The following NRDE2 variants were observed in gnomAD, a reference collection of about 807,000 sequenced individuals.
The protein encoded by NRDE2 is NRDE-2, necessary for RNA interference, domain containing.
A neutral mutation model predicts 124.2 loss-of-function variants in NRDE2; 76 were observed. That is an observed-to-expected ratio of 0.61 (90% confidence interval 0.51 to 0.74). The LOEUF (loss-of-function observed/expected upper bound fraction) is 0.74, where lower values mean the gene tolerates loss of function less well. NRDE2 is among the 30% of genes least tolerant of loss of function. The probability of loss-of-function intolerance (pLI) is 0.00; values close to 1 mark genes in which losing one functional copy is unlikely to be tolerated. For missense variants in NRDE2, 1,314 were observed against 1,417.3 expected (o/e 0.93, Z 1.17); for synonymous variants, 489 against 528.1 (o/e 0.93, Z 1.01).
chr14:90,288,514 C>T lies in NRDE2; in HGVS notation c.2861G>A (p.Trp954Ter). The change falls in exon 11 of 14, where the codon TGG (tryptophan) becomes TAG (stop). Residue 954 changes from tryptophan to a stop codon, truncating the protein, a stop_gained. Coordinates refer to ENST00000354366, the MANE Select transcript of NRDE2 (RefSeq NM_017970.4). LOFTEE classifies it high-confidence loss of function. The stretch of plus-strand genomic sequence containing the variant: ...TGTGATGGCTTCGAGAACACTGGTC[C>T]AACTCTGGGAGCTGGCACTGTCCCC... ...GEGDSASSQSWTSVLEAITLM... is the reference protein window; with the variant it reads ...GEGDSASSQS 6.2e-7 allele frequency: 1 copy of T among 1,614,150 alleles called. No individual in the cohort carries two copies. The highest frequency in any genetic ancestry group is 8.5e-7 in the Non-Finnish European group (1 of 1,180,030).
chr14:90,311,914 T>C (rs1186062923), intron 4 of NRDE2, among the ~76,000 whole-genome samples: 1 of 152,236 alleles, frequency 6.6e-6, no homozygotes, highest in Non-Finnish European at 1.5e-5. Context: ...AACTCATTAC[T>C]AAAGCAAATA....
intron 12 of NRDE2, chr14:90,281,173 TC>T (rs1325260645): frequency 2.0e-5 from 3 of 152,482 alleles, no homozygotes; most frequent in Non-Finnish European, 4.4e-5. Flanking sequence ...ACGCCTGTAA[TC>T]CCAGCACTTT....
chr14:90,289,749 A>G (rs529361624), intron 10 of NRDE2, among the ~76,000 whole-genome samples: 1 of 152,284 alleles, frequency 6.6e-6, no homozygotes, highest in South Asian at 2.1e-4. Flanking sequence ...CACAACGCCC[A>G]GCTAATTTTT....
At chr14:90,314,840 C>A (rs1884978948) in intron 3 of NRDE2, among the ~76,000 whole-genome samples, 1 of 152,130 alleles carries the variant, frequency 6.6e-6, no homozygotes, top group Admixed American at 6.6e-5. Context: ...AAATTCAGAA[C>A]CTTTTTGCCG....
Position 90,302,936 on chromosome 14 carries a change from T to G in NRDE2, c.1195A>C (p.Thr399Pro). 1 of 1,614,032 alleles carries G rather than the reference T, an allele frequency of 6.2e-7. No individual in the cohort carries two copies. The highest frequency in any genetic ancestry group is 8.5e-7 in the Non-Finnish European group (1 of 1,180,026). The change falls in exon 6 of 14, where the codon ACT (threonine) becomes CCT (proline). Residue 399 changes from threonine (T) to proline (P), a missense_variant. By Grantham distance (38) the Thr-to-Pro change is conservative. Coordinates refer to ENST00000354366, the MANE Select transcript of NRDE2 (RefSeq NM_017970.4). Reference protein sequence around the residue: ...KLCTEFWEPSTLVKEWQKLIF... With the variant: ...KLCTEFWEPSPLVKEWQKLIF... Reference sequence around the variant, plus strand: ...AGTTTCTGCCACTCTTTGACCAGAGTGGAGGGCTCCCAGAACTCTGTGCAG... The same window carrying G: ...AGTTTCTGCCACTCTTTGACCAGAGGGGAGGGCTCCCAGAACTCTGTGCAG...
intron 1 of NRDE2, among the ~76,000 whole-genome samples, chr14:90,328,225 T>C (rs1047923879): frequency 7.4e-5 from 11 of 148,982 alleles, no homozygotes; most frequent in Admixed American, 4.1e-4. Context: ...GAGAATCACT[T>C]GAACCCAAGA....
In NRDE2 at chr14:90,288,436, A is replaced by G. The variant is rs760689973; in HGVS notation, c.2939T>C (p.Leu980Pro). 5.0e-6 allele frequency: 8 copies of G among 1,614,206 alleles called. No homozygotes were observed. Among genetic ancestry groups the G allele is most frequent in the South Asian group, 1.1e-5 (1 of 91,086 alleles). ...RFHMKVSVYPLAPLREALSQA... is the reference protein window; with the variant it reads ...RFHMKVSVYPPAPLREALSQA... ...TGAGAGTGCCTCTCGCAGAGGGGCC[A>G]GCGGGTAAACACTCACTTTCATGTG... Residue 980 changes from leucine (L) to proline (P), a missense_variant, in exon 11 of 14, where the codon CTG (leucine) becomes CCG (proline). Coordinates refer to ENST00000354366, the MANE Select transcript of NRDE2 (RefSeq NM_017970.4).
In NRDE2 at chr14:90,277,547, T is replaced by A. The variant is rs964215686; in HGVS notation, c.*789A>T. ...CACCAGAACCAGGCCAGCCTTGGCC[T>A]TCATAGTGTAAGCAGCGTTGCTGCA... is the stretch of plus-strand genomic sequence containing the variant. On this transcript the variant is annotated 3_prime_UTR_variant, in exon 14 of 14. Coordinates refer to ENST00000354366, the MANE Select transcript of NRDE2 (RefSeq NM_017970.4). 20 of 152,274 alleles carry A rather than the reference T, an allele frequency of 1.3e-4. No homozygotes were observed. The highest frequency in any genetic ancestry group is 9.8e-4 in the Admixed American group (15 of 15,288). The allele number at this position is 152,274 out of a possible 1,614,324, so 9.4% of individuals were successfully genotyped here. A position where few individuals can be genotyped will look rare whatever the true frequency, so the allele number is the denominator to read the frequency against.
chr14:90,313,314 C>T (rs1014817595), intron 3 of NRDE2, among the ~76,000 whole-genome samples: 6 of 151,848 alleles, frequency 4.0e-5, no homozygotes, highest in Admixed American at 3.9e-4. Flanking sequence ...TTTTGGTAGA[C>T]ATGGGGTTTC....
In NRDE2 at chr14:90,290,207, G is replaced by A. The variant is rs767676609; in HGVS notation, c.2229+14C>T. The stretch of plus-strand genomic sequence containing the variant: ...GAAAAGTCCCCAAACATGGGAGGAC[G>A]AGTCTGGAATTACCTTTGCAATCTC... On this transcript the variant is annotated intron_variant, in intron 10 of 13. Transcript: ENST00000354366. The A allele has an allele frequency of 1.1e-5, 18 of 1,605,974 alleles. No individual in the cohort carries two copies. The highest frequency in any genetic ancestry group is 2.2e-5 in the East Asian group (1 of 44,698).
intron 4 of NRDE2, among the ~76,000 whole-genome samples, chr14:90,310,760 T>A (rs1884805144): frequency 6.6e-6 from 1 of 152,088 alleles, no homozygotes; most frequent in Non-Finnish European, 1.5e-5. Flanking sequence ...CCTCAAGTGA[T>A]CCCAAAGTGC....
At position 90,304,014 on chromosome 14, in the gene NRDE2, GC is replaced by G. The variant is rs1443747958; in HGVS notation, c.925del (p.Ala309ProfsTer31). 1.2e-6 allele frequency: 2 copies of G among 1,614,002 alleles called. No homozygotes were observed. Among genetic ancestry groups the G allele is most frequent in the East Asian group, 4.5e-5 (2 of 44,882 alleles). On this transcript the variant is annotated frameshift_variant, in exon 5 of 14. Transcript: ENST00000354366. LOFTEE classifies it high-confidence loss of function. ...QPDSESAALK[A>X]KVEEFNRRVR... Reference sequence around the variant, plus strand: ...CCTCCTGTTAAACTCCTCCACCTTGGCCTTGAGAGCCGCACTCTCGCTGTCT... The same window carrying G: ...CCTCCTGTTAAACTCCTCCACCTTGGCTTGAGAGCCGCACTCTCGCTGTCT...
intron 1 of NRDE2, among the ~76,000 whole-genome samples, chr14:90,320,436 C>G (rs1885201420): frequency 1.3e-5 from 2 of 152,210 alleles, no homozygotes. Flanking sequence ...GAACTGCCCC[C>G]AGGATCCAAT....
In NRDE2 at chr14:90,278,183, G is replaced by T; in HGVS notation, c.*153C>A. The T allele has an allele frequency of 2.5e-6, 2 of 808,346 alleles. No homozygotes were observed. Among genetic ancestry groups the T allele is most frequent in the Non-Finnish European group, 3.9e-6 (2 of 515,796 alleles). 50.1% of individuals were successfully genotyped at this position (808,346 alleles called of 1,614,324 possible). A position where few individuals can be genotyped will look rare whatever the true frequency, so the allele number is the denominator to read the frequency against. ...ATTTACACACCCAAAAAGTGTGCAA[G>T]ATGTGAGAGGCTGGCAGCCCACATT... On this transcript the variant is annotated 3_prime_UTR_variant, in exon 14 of 14. Coordinates refer to ENST00000354366, the MANE Select transcript of NRDE2 (RefSeq NM_017970.4).
At chr14:90,297,260 A>AT (rs978362028) in intron 8 of NRDE2, among the ~76,000 whole-genome samples, 15 of 152,108 alleles carry the variant, frequency 9.9e-5, no homozygotes, top group African/African-American at 3.6e-4. Context: ...CTAGTTAATA[A>AT]TTTTTTTTCT....
At chr14:90,316,357 C>T (rs1330028752) in intron 3 of NRDE2, among the ~76,000 whole-genome samples, 2 of 152,164 alleles carry the variant, frequency 1.3e-5, no homozygotes, top group African/African-American at 4.8e-5. Flanking sequence ...GACTTTTTGT[C>T]TAAAAGAGAT....
In NRDE2 at chr14:90,268,298, ATTCAGAAGTACCT is replaced by A; in HGVS notation, c.*10025_*10037del. The A allele has an allele frequency of 1.2e-6, 2 of 1,611,192 alleles. No homozygotes were observed. Among genetic ancestry groups the A allele is most frequent in the Non-Finnish European group, 1.7e-6 (2 of 1,177,598 alleles). On this transcript the variant is annotated 3_prime_UTR_variant, in exon 14 of 14. Coordinates refer to ENST00000354366, the MANE Select transcript of NRDE2 (RefSeq NM_017970.4). ...CTTGAGAGTGGTTGGCTCTGAACTTATTCAGAAGTACCTAGGTGATGGGCCCAAACTCGTACGG... is the reference window on the plus strand; with the variant it reads ...CTTGAGAGTGGTTGGCTCTGAACTTAAGGTGATGGGCCCAAACTCGTACGG...
rs375836914 is a variant in NRDE2 at position 90,301,311 on chromosome 14, T to C, written c.1473A>G (p.Ser491=). 10 of 1,613,706 alleles carry C rather than the reference T, an allele frequency of 6.2e-6. No individual in the cohort carries two copies. The highest frequency in any genetic ancestry group is 1.7e-4 in the Middle Eastern group (1 of 6,060). ...RQAGHSEKAI[S]LFQAMVDFTF... ...TGAAGTCCACCATGGCCTGGAACAA[T>C]GAGATGGCCTTCTCAGAGTGGCCAG... The change falls in exon 7 of 14, where the codon TCA becomes TCG. Residue 491 remains serine, a synonymous_variant. Coordinates refer to ENST00000354366, the MANE Select transcript of NRDE2 (RefSeq NM_017970.4).
intron 4 of NRDE2, 94 bp from the exon 5 acceptor site, chr14:90,304,476 G>C (rs1433850652): frequency 1.1e-6 from 1 of 887,476 alleles, no homozygotes; most frequent in Non-Finnish European, 1.7e-6. Context: ...TCGTTATGCA[G>C]GTTCACTGCA....
Sources: allele counts gnomAD v4.1 joint callset (sites outside exome capture counted in the v4.1 genomes callset), GRCh38; gene constraint gnomAD v4.1.1; transcripts MANE v1.5; gene names NCBI Gene and HGNC (gene_info 2026-07-23, HGNC 2026-07-21).